Variants in F8 observed in about 807,000 individuals in gnomAD.
F8 encodes antihemophilic factor.
In F8, 12 loss-of-function variants were observed where a neutral mutation model predicts 140.6. The observed-to-expected ratio is 0.09, with a 90% CI of 0.05 to 0.14. The LOEUF (loss-of-function observed/expected upper bound fraction) is 0.14. Ranked by LOEUF, F8 falls within the 10% of genes least tolerant of loss-of-function variation. F8 has a pLI of 1.00. For missense variants in F8, 1,354 were observed against 1,720.7 expected (o/e 0.79, Z 3.77); for synonymous variants, 585 against 614.6 (o/e 0.95, Z 0.71).
intron 18 of F8, 94 bp from the exon 19 acceptor site, chrX:154,902,261 C>A (rs1301657902): frequency 3.0e-6 from 2 of 677,958 alleles, no homozygotes; most frequent in African/African-American, 4.2e-5. Context: ...AGTAGACCTA[C>A]CAAATTTGGT....
intron 25 of F8, among the ~76,000 whole-genome samples, chrX:154,838,767 G>A (rs941881217): frequency 2.6e-4 from 29 of 111,938 alleles, no homozygotes; most frequent in African/African-American, 8.8e-4. Flanking sequence ...CAAATGCACT[G>A]TGAAGTAACA....
intron 3 of F8, among the ~76,000 whole-genome samples, chrX:154,995,026 C>A (rs1279812215): frequency 3.6e-5 from 4 of 111,474 alleles, no homozygotes; most frequent in African/African-American, 1.3e-4. Context: ...CCTTTTCCTG[C>A]CAGCCCCATA....
At chrX:154,985,687 T>C (rs1282399993) in intron 5 of F8, among the ~76,000 whole-genome samples, 1 of 112,352 alleles carries the variant, frequency 8.9e-6, no homozygotes, top group Non-Finnish European at 1.9e-5. Context: ...CAGCCATTCA[T>C]TTGTTCATTC....
intron 25 of F8, among the ~76,000 whole-genome samples, chrX:154,850,003 C>T (rs1226157555): frequency 3.6e-5 from 4 of 110,732 alleles, no homozygotes; most frequent in Non-Finnish European, 7.5e-5. Flanking sequence ...CACACGCACA[C>T]CTGGCTTAAA....
rs1557272890 is a variant in F8, at chrX:154,861,833, G to A, written c.6608C>T (p.Ala2203Val). Residue 2203 changes from alanine (A) to valine (V), a missense_variant, in exon 24 of 26, where the codon GCA becomes GTA. By Grantham distance (64) the Ala-to-Val change is moderately conservative (BLOSUM62 0). This residue lies in a region of F8 where 316 missense variants were observed against 485.4 expected (regional missense o/e 0.65). Coordinates refer to ENST00000360256, the MANE Select transcript of F8 (RefSeq NM_000132.4). ...AGCAGTAATCTGTGCATCTGATATT[G>A]CTTTACTCTCCATTCCCAATGGCAT... Reference protein sequence around the residue: ...CSMPLGMESKAISDAQITASS... With the variant: ...CSMPLGMESKVISDAQITASS... 9 of 1,211,067 alleles carry A rather than the reference G, an allele frequency of 7.4e-6. No individual in the cohort carries two copies. Among genetic ancestry groups the A allele is most frequent in the Admixed American group, 6.5e-5 (3 of 46,009 alleles).
At chrX:154,861,675 C>T (rs782815678) in intron 24 of F8, 43 bp downstream of exon 24, 1 of 1,203,795 alleles carries the variant, frequency 8.3e-7, no homozygotes, top group East Asian at 3.0e-5. Context: ...TTTCCCCAAC[C>T]ACTGCTCTGA....
intron 22 of F8, among the ~76,000 whole-genome samples, chrX:154,879,796 T>C (rs2072845943): frequency 9.0e-6 from 1 of 111,039 alleles, no homozygotes; most frequent in South Asian, 3.8e-4. Flanking sequence ...AGACAGTGAG[T>C]GAGTTCTCAT....
In F8 at chrX:155,022,277, C is replaced by T. The variant is rs28370194; in HGVS notation, c.143+133G>A. ...GCTAATAACACAGATGTGTGCACAC[C>T]TTACCCAGAAATGTTTCTTTGGGGC... On this transcript the variant is annotated intron_variant, in intron 1 of 25. Coordinates refer to ENST00000360256, the MANE Select transcript of F8 (RefSeq NM_000132.4). 2.2e-3 allele frequency: 1,462 copies of T among 668,541 alleles called. 14 individuals are homozygous for T. The African/African-American group carries it at 0.026, about 12-fold the overall frequency. 55.1% of individuals were successfully genotyped at this position (668,541 alleles called of 1,213,427 possible). A position where few individuals can be genotyped will look rare whatever the true frequency, so the allele number is the denominator to read the frequency against.
chrX:154,841,208 C>CTTTTTTTT (rs1168917544), intron 25 of F8, among the ~76,000 whole-genome samples: 26 of 48,620 alleles, frequency 5.3e-4, no homozygotes, highest in African/African-American at 7.0e-4. Context: ...TTGCTTTCTT[C>CTTTTTTTT]TTTTTTTTTT....
intron 1 of F8, among the ~76,000 whole-genome samples, chrX:155,011,561 G>A (rs995519531): frequency 3.6e-5 from 4 of 112,086 alleles, no homozygotes; most frequent in South Asian, 3.7e-4. Context: ...AGTATATTCC[G>A]AAGAGAAATA....
intron 15 of F8, 22 bp downstream of exon 15, chrX:154,906,398 A>C: frequency 8.5e-7 from 1 of 1,182,094 alleles, no homozygotes; most frequent in Non-Finnish European, 1.1e-6. Context: ...ATTTTCTTGT[A>C]ATTCCACTGT....
chrX:154,845,093 T>C (rs1212846869), intron 25 of F8, among the ~76,000 whole-genome samples: 1 of 111,961 alleles, frequency 8.9e-6, no homozygotes, highest in Non-Finnish European at 1.9e-5. Flanking sequence ...CTGGATTACG[T>C]TTATTGATTT....
rs2073186194 is a variant in F8, at chrX:154,930,152, A to T, written c.3638T>A (p.Ile1213Asn). Reference sequence around the variant, plus strand: ...TTCCTTCTTTTCTATTTCTTCCTGAATTTTTTTTTCTTGATTGTGTGTATT... The same window carrying T: ...TTCCTTCTTTTCTATTTCTTCCTGATTTTTTTTTTCTTGATTGTGTGTATT... ...ENNTHNQEKKIQEEIEKKETL... is the reference protein window; with the variant it reads ...ENNTHNQEKKNQEEIEKKETL... The change falls in exon 14 of 26, where the codon ATT becomes AAT. Residue 1213 changes from isoleucine to asparagine, a missense_variant. Ile to Asn is a moderately radical substitution (Grantham distance 149). This residue lies in a region of F8 where 658 missense variants were observed against 666.5 expected (regional missense o/e 0.99). Transcript: ENST00000360256. 5.0e-6 allele frequency: 6 copies of T among 1,200,507 alleles called. No homozygotes were observed. Among genetic ancestry groups the T allele is most frequent in the East Asian group, 5.9e-5 (2 of 33,659 alleles).
At chrX:154,865,704 C>G (rs1185249712) in intron 22 of F8, among the ~76,000 whole-genome samples, 2 of 104,217 alleles carry the variant, frequency 1.9e-5, no homozygotes, top group African/African-American at 7.0e-5. Flanking sequence ...ACCGCCCCCC[C>G]ACACAGTAGA....
chrX:154,875,457 T>C (rs1175742660), intron 22 of F8, among the ~76,000 whole-genome samples: 1 of 112,053 alleles, frequency 8.9e-6, no homozygotes, highest in Non-Finnish European at 1.9e-5. Flanking sequence ...AAACATCATA[T>C]ATGAAAAACA....
intron 25 of F8, among the ~76,000 whole-genome samples, chrX:154,850,830 T>C (rs782266984): frequency 1.1e-3 from 120 of 112,483 alleles, no homozygotes; most frequent in Non-Finnish European, 1.6e-3. Context: ...TGCTATTATT[T>C]AGAAATCAGC....
intron 9 of F8, among the ~76,000 whole-genome samples, chrX:154,964,698 A>G (rs923211989): frequency 1.2e-4 from 13 of 111,902 alleles, no homozygotes; most frequent in African/African-American, 4.2e-4. Context: ...GCTCACTGTA[A>G]AAATAAAGCT....
chrX:154,893,787 C>G lies in F8; in HGVS notation c.6429+2290G>C, dbSNP rs782303672. Among the ~76,000 whole-genome samples, 4 of 111,412 alleles carry G rather than the reference C, an allele frequency of 3.6e-5. No homozygotes were observed. In the East Asian group the frequency reaches 1.1e-3, roughly 31 times the overall value. On this transcript the variant is annotated intron_variant, in intron 22 of 25. Coordinates refer to ENST00000360256, the MANE Select transcript of F8 (RefSeq NM_000132.4). ...TTTTACCCCAAAACATGTTTTTTTGCCATATTTTGAAATGGCCCTGCAAAG... is the reference window on the plus strand; with the variant it reads ...TTTTACCCCAAAACATGTTTTTTTGGCATATTTTGAAATGGCCCTGCAAAG...
intron 22 of F8, among the ~76,000 whole-genome samples, chrX:154,868,678 T>A (rs938970434): frequency 7.2e-5 from 8 of 111,498 alleles, no homozygotes; most frequent in Non-Finnish European, 1.1e-4. Context: ...AATGACAGGA[T>A]CAAATTCACA....
Sources: allele counts gnomAD v4.1 joint callset (sites outside exome capture counted in the v4.1 genomes callset), GRCh38; gene constraint gnomAD v4.1.1; regional missense constraint gnomAD v4.1.1; transcripts MANE v1.5; gene names NCBI Gene and HGNC (gene_info 2026-07-23, HGNC 2026-07-21).